ADGRG4: variants seen among roughly 807,000 people sequenced by gnomAD.
The protein encoded by ADGRG4 is G protein-coupled receptor 112.
Under a neutral mutation model 126.2 loss-of-function variants are expected in ADGRG4, and 122 were observed. That is an observed-to-expected ratio of 0.97 (90% CI 0.83 to 1.12). The LOEUF (loss-of-function observed/expected upper bound fraction) is 1.12, where lower values mean the gene tolerates loss of function less well. Ranked by LOEUF, ADGRG4 falls within the 50% of genes most tolerant of loss-of-function variation. The pLI is 0.00. For missense variants in ADGRG4, 2,481 were observed against 2,251.8 expected (o/e 1.10, Z -2.06); for synonymous variants, 943 against 838.7 (o/e 1.12, Z -2.15).
chrX:136,386,424 T>C (rs1412721054), intron 15 of ADGRG4, among the ~76,000 whole-genome samples: 1 of 112,262 alleles, frequency 8.9e-6, no homozygotes, highest in Non-Finnish European at 1.9e-5. Flanking sequence ...GCAGAGTTCA[T>C]TTCTGCTTAG....
In ADGRG4 at chrX:136,323,233, C is replaced by T. The variant is rs896110034; in HGVS notation, c.526C>T (p.Arg176Cys). ...GAGCAGCGAGGTTAAAAGCATGATG[C>T]GTAGCTTTCCTGGCAGCTTGTACTA... ...NESSEVKSMM[R>C]SFPGSLYYFQ... is the part of the protein sequence containing the mutation. The change falls in exon 5 of 26, where the codon CGT (arginine) becomes TGT (cysteine). Residue 176 changes from arginine to cysteine, a missense_variant. Arg to Cys is a radical substitution (Grantham distance 180, BLOSUM62 -3). Transcript: ENST00000394143. The T allele has an allele frequency of 2.5e-6, 3 of 1,211,293 alleles. No individual in the cohort carries two copies. Among genetic ancestry groups the T allele is most frequent in the South Asian group, 1.8e-5 (1 of 56,968 alleles).
At chrX:136,354,866 A>G (rs908054630) in intron 8 of ADGRG4, among the ~76,000 whole-genome samples, 3 of 111,750 alleles carry the variant, frequency 2.7e-5, no homozygotes, top group Non-Finnish European at 3.8e-5. Context: ...TGGAGCTTCT[A>G]TGATCTCCCT....
intron 24 of ADGRG4, among the ~76,000 whole-genome samples, chrX:136,412,827 G>A (rs2075453434): frequency 8.9e-6 from 1 of 111,878 alleles, no homozygotes; most frequent in Admixed American, 9.4e-5. Context: ...CCACGAACTG[G>A]GGGATGTAGT....
intron 15 of ADGRG4, among the ~76,000 whole-genome samples, chrX:136,378,902 G>A (rs1235941043): frequency 8.9e-6 from 1 of 111,937 alleles, no homozygotes; most frequent in African/African-American, 3.2e-5. Flanking sequence ...TATGTTTTGT[G>A]AAGTATTTTT....
At chrX:136,315,217 C>T (rs1027967222) in intron 4 of ADGRG4, among the ~76,000 whole-genome samples, 1 of 110,459 alleles carries the variant, frequency 9.1e-6, no homozygotes, top group African/African-American at 3.3e-5. Context: ...GTTGTGCACA[C>T]TATGGCCATG....
At position 136,359,440 on chromosome X, in the gene ADGRG4, G is replaced by A. The variant is rs767961468; in HGVS notation, c.7129G>A (p.Ala2377Thr). 1.7e-6 allele frequency: 2 copies of A among 1,195,299 alleles called. No homozygotes were observed. The highest frequency in any genetic ancestry group is 2.3e-4 in the Middle Eastern group (1 of 4,277). ...GTTATTAGTAAACTGTGAACACGTTGCAGTGAAAAAACTAGGTAATTTTTT... is the reference window on the plus strand; with the variant it reads ...GTTATTAGTAAACTGTGAACACGTTACAGTGAAAAAACTAGGTAATTTTTT... ...LTLLVNCEHV[A>T]VKKLEPGNCK... The change falls in exon 11 of 26, where the codon GCA becomes ACA. Residue 2377 changes from alanine to threonine, a missense_variant. Physicochemically the swap from Ala to Thr is moderately conservative, Grantham distance 58. Transcript: ENST00000394143.
intron 7 of ADGRG4, 142 bp from the exon 8 acceptor site, chrX:136,353,195 G>A (rs899480214): frequency 3.4e-5 from 16 of 475,239 alleles, no homozygotes; most frequent in Admixed American, 7.7e-5. Context: ...AACGTAAATG[G>A]AAAAACTTAA....
intron 5 of ADGRG4, among the ~76,000 whole-genome samples, chrX:136,340,692 G>A (rs951920399): frequency 2.0e-4 from 22 of 110,876 alleles, no homozygotes; most frequent in African/African-American, 6.9e-4. Context: ...GAATTTGAGG[G>A]CATACATTAT....
At chrX:136,390,369 A>G (rs747135976) in intron 16 of ADGRG4, among the ~76,000 whole-genome samples, 1 of 111,323 alleles carries the variant, frequency 9.0e-6, no homozygotes, top group Non-Finnish European at 1.9e-5. Context: ...ATTGTTGATA[A>G]GGCACCACTC....
chrX:136,353,425 G>T (rs2075075085), intron 8 of ADGRG4, 24 bp downstream of exon 8: 2 of 1,075,554 alleles, frequency 1.9e-6, no homozygotes, highest in Middle Eastern at 2.5e-4. Context: ...ATTTACTGTG[G>T]GTCAAAGGGC....
At chrX:136,353,581 T>C (rs1165607490) in intron 8 of ADGRG4, among the ~76,000 whole-genome samples, 180 bp downstream of exon 8, 1 of 111,566 alleles carries the variant, frequency 9.0e-6, no homozygotes, top group South Asian at 3.8e-4. Context: ...ATTACTATTG[T>C]AGGGCACAAA....
In ADGRG4 at chrX:136,345,792, T is replaced by G. The variant is rs374671850; in HGVS notation, c.2086T>G (p.Leu696Val). The G allele has an allele frequency of 2.5e-6, 3 of 1,210,335 alleles. No homozygotes were observed. The highest frequency in any genetic ancestry group is 1.8e-5 in the South Asian group (1 of 56,886). Residue 696 changes from leucine to valine, a missense_variant, in exon 6 of 26, where the codon TTA (leucine) becomes GTA (valine). Physicochemically the swap from Leu to Val is conservative, Grantham distance 32. Coordinates refer to ENST00000394143, the MANE Select transcript of ADGRG4 (RefSeq NM_153834.4). ...TGAGAATACTACTTATACAGAATAT[T>G]TATCCGCAACTACCAATATCACCCC... is the stretch of plus-strand genomic sequence containing the variant. ...FHENTTYTEYLSATTNITPLK... is the reference protein window; with the variant it reads ...FHENTTYTEYVSATTNITPLK...
chrX:136,409,539 C>T (rs751019324), intron 23 of ADGRG4, among the ~76,000 whole-genome samples: 7 of 111,853 alleles, frequency 6.3e-5, no homozygotes, highest in Admixed American at 9.5e-5. Flanking sequence ...TTGCTCTCCT[C>T]GGGGTGCTGC....
At position 136,349,964 on chromosome X, in the gene ADGRG4, T is replaced by C; in HGVS notation, c.6258T>C (p.Thr2086=). ...GTGGTATCACTACTGGCTTCCCAACTTCTCTCCCTATGTCTATAAATGTCA... is the reference window on the plus strand; with the variant it reads ...GTGGTATCACTACTGGCTTCCCAACCTCTCTCCCTATGTCTATAAATGTCA... ...TLGGITTGFP[T]SLPMSINVTD... Residue 2086 remains threonine (T), a synonymous_variant, in exon 6 of 26, where the codon ACT becomes ACC. Transcript: ENST00000394143. 8.3e-7 allele frequency: 1 copy of C among 1,210,109 alleles called. No homozygotes were observed. The highest frequency in any genetic ancestry group is 1.8e-5 in the South Asian group (1 of 56,926).
chrX:136,331,025 C>A (rs1189747148), intron 5 of ADGRG4, among the ~76,000 whole-genome samples: 1 of 109,856 alleles, frequency 9.1e-6, no homozygotes, highest in Non-Finnish European at 1.9e-5. Flanking sequence ...TGGTAACCAT[C>A]CTTCTACTCT....
chrX:136,326,750 T>G (rs2074875808), intron 5 of ADGRG4, among the ~76,000 whole-genome samples: 1 of 111,601 alleles, frequency 9.0e-6, no homozygotes. Flanking sequence ...TATGAGTGAT[T>G]ACAACATGTC....
At chrX:136,365,472 C>A in intron 13 of ADGRG4, among the ~76,000 whole-genome samples, 1 of 111,946 alleles carries the variant, frequency 8.9e-6, no homozygotes, top group East Asian at 2.8e-4. Flanking sequence ...ATTAATTCAT[C>A]ATTTGACAGA....
chrX:136,348,756 A>G lies in ADGRG4; in HGVS notation c.5050A>G (p.Ser1684Gly). ...TGCCTTCTCTCCACTCAGTTCTAAG[A>G]GCACTGGAGCTATTTCCTCCATTCC... The part of the protein sequence containing the change: ...TTAFSPLSSK[S>G]TGAISSIPKT... Residue 1684 changes from serine to glycine, a missense_variant, in exon 6 of 26, where the codon AGC becomes GGC. Physicochemically the swap from Ser to Gly is moderately conservative, Grantham distance 56 (BLOSUM62 0). Coordinates refer to ENST00000394143, the MANE Select transcript of ADGRG4 (RefSeq NM_153834.4). 5.0e-6 allele frequency: 6 copies of G among 1,209,246 alleles called. No homozygotes were observed. Among genetic ancestry groups the G allele is most frequent in the Non-Finnish European group, 6.7e-6 (6 of 894,468 alleles).
chrX:136,413,890 G>A (rs183463753), intron 24 of ADGRG4, among the ~76,000 whole-genome samples: 3 of 110,111 alleles, frequency 2.7e-5, no homozygotes, highest in East Asian at 5.7e-4. Flanking sequence ...ACAGGCATGC[G>A]CCACCCCGCC....
Sources: gnomAD v4.1 joint callset for allele counts (sites outside exome capture counted in the v4.1 genomes callset) on GRCh38, gnomAD v4.1.1 for gene constraint, MANE v1.5 for transcripts, NCBI Gene and HGNC (gene_info 2026-07-23, HGNC 2026-07-21) for gene names.